The following FRMD4B variants were observed in gnomAD, a reference collection of about 807,000 sequenced individuals.
FRMD4B encodes the protein FERM domain containing 4B.
FRMD4B carries 74 observed loss-of-function variants against 141.5 expected under a neutral mutation model. The ratio of observed to expected loss-of-function variants is 0.52; its 90% CI spans 0.43 to 0.63. The LOEUF (loss-of-function observed/expected upper bound fraction) is 0.63, where lower values mean the gene tolerates loss of function less well. FRMD4B is among the 30% of genes least tolerant of loss of function. The pLI, the probability that FRMD4B is intolerant of heterozygous loss-of-function variation, is 0.00. For missense variants in FRMD4B, 1,366 were observed against 1,253.4 expected, an observed-to-expected ratio of 1.09 and a Z score of -1.36; for synonymous variants, 506 against 467.9, an observed-to-expected ratio of 1.08 and a Z score of -1.05.
At chr3:69,265,194 G>T (rs1365744670) in intron 5 of FRMD4B, among the ~76,000 whole-genome samples, 23 of 134,528 alleles carry the variant, frequency 1.7e-4, no homozygotes, top group Admixed American at 4.8e-4. Context: ...GGTGGAGCTT[G>T]CAGTGAGCCG....
At chr3:69,382,629 G>A (rs1261454209) in intron 1 of FRMD4B, among the ~76,000 whole-genome samples, 1 of 151,832 alleles carries the variant, frequency 6.6e-6, no homozygotes, top group Non-Finnish European at 1.5e-5. Context: ...CTCTCATTGA[G>A]AATGCATAAA....
intron 7 of FRMD4B, among the ~76,000 whole-genome samples, chr3:69,241,944 A>G (rs1487897248): frequency 6.6e-6 from 1 of 152,124 alleles, no homozygotes; most frequent in Non-Finnish European, 1.5e-5. Flanking sequence ...CAGTGGTAAA[A>G]TGCATGTGGT....
At chr3:69,255,246 C>A (rs1416997833) in intron 5 of FRMD4B, among the ~76,000 whole-genome samples, 1 of 152,028 alleles carries the variant, frequency 6.6e-6, no homozygotes, top group East Asian at 1.9e-4. Flanking sequence ...TCAAGTGGGT[C>A]AAAAAATTTA....
chr3:69,426,989 T>G (rs1705090870), intron 2 of FRMD4B, among the ~76,000 whole-genome samples: 1 of 152,166 alleles, frequency 6.6e-6, no homozygotes, highest in African/African-American at 2.4e-5. Context: ...TCTTATTTTT[T>G]TATTTCTTTC....
At chr3:69,324,291 C>A (rs1702109849) in intron 1 of FRMD4B, among the ~76,000 whole-genome samples, 1 of 152,208 alleles carries the variant, frequency 6.6e-6, no homozygotes, top group Non-Finnish European at 1.5e-5. Context: ...GCCTAGCACA[C>A]ATGTAATTAA....
chr3:69,232,505 G>C (rs1214784495), intron 7 of FRMD4B, among the ~76,000 whole-genome samples: 1 of 152,106 alleles, frequency 6.6e-6, no homozygotes, highest in Non-Finnish European at 1.5e-5. Context: ...AATTCCTTTG[G>C]TCATTCTGAA....
intron 1 of FRMD4B, among the ~76,000 whole-genome samples, chr3:69,529,661 G>C (rs562901057): frequency 1.3e-5 from 2 of 152,268 alleles, no homozygotes; most frequent in African/African-American, 4.8e-5. Flanking sequence ...TAAATATTTT[G>C]TCTCACTAGA....
At chr3:69,314,458 G>A (rs999158468) in intron 1 of FRMD4B, among the ~76,000 whole-genome samples, 11 of 151,576 alleles carry the variant, frequency 7.3e-5, no homozygotes, top group African/African-American at 2.4e-4. Flanking sequence ...AACCTGGGCA[G>A]TGGTGTTTGC....
chr3:69,200,382 A>T, intron 11 of FRMD4B: 1 of 980,084 alleles, frequency 1.0e-6, no homozygotes, highest in Non-Finnish European at 1.2e-6. Context: ...CATTTCTTAA[A>T]ATCTCCACAA....
At chr3:69,479,979 T>C (rs1706089354) in intron 1 of FRMD4B, among the ~76,000 whole-genome samples, 1 of 152,232 alleles carries the variant, frequency 6.6e-6, no homozygotes, top group African/African-American at 2.4e-5. Flanking sequence ...ACTGATACCC[T>C]TTCTTCCAGT....
At chr3:69,517,197 A>T (rs1007554307) in intron 1 of FRMD4B, among the ~76,000 whole-genome samples, 3 of 152,178 alleles carry the variant, frequency 2.0e-5, no homozygotes, top group South Asian at 4.1e-4. Context: ...CATTGACACC[A>T]AAGTTTATAC....
intron 2 of FRMD4B, among the ~76,000 whole-genome samples, chr3:69,417,054 T>C (rs1249255684): frequency 6.6e-6 from 1 of 152,200 alleles, no homozygotes; most frequent in Non-Finnish European, 1.5e-5. Context: ...TATAATCCTA[T>C]GGGTATATAC....
chr3:69,532,101 T>C (rs1327337656), intron 1 of FRMD4B, among the ~76,000 whole-genome samples: 2 of 152,204 alleles, frequency 1.3e-5, no homozygotes, highest in Non-Finnish European at 2.9e-5. Context: ...TAAGGGCACA[T>C]GGTTTTCATT....
At chr3:69,275,442 C>CTCT (rs34179126) in intron 5 of FRMD4B, among the ~76,000 whole-genome samples, 23 of 141,798 alleles carry the variant, frequency 1.6e-4, no homozygotes, top group Admixed American at 4.2e-4. Context: ...CTCTCTCTCT[C>CTCT]TTTTTTTTTT....
chr3:69,196,743 G>T (rs2107654134), intron 13 of FRMD4B, 157 bp downstream of exon 13: 1 of 627,400 alleles, frequency 1.6e-6, no homozygotes, highest in Non-Finnish European at 2.7e-6. Flanking sequence ...TGCCCATCAT[G>T]TAAACATATA....
At chr3:69,518,636 C>A (rs926706557) in intron 1 of FRMD4B, among the ~76,000 whole-genome samples, 1 of 152,198 alleles carries the variant, frequency 6.6e-6, no homozygotes, top group Non-Finnish European at 1.5e-5. Context: ...AACCCCTGGG[C>A]CACAGCTGGC....
chr3:69,494,737 C>A (rs1480392984), intron 1 of FRMD4B, among the ~76,000 whole-genome samples: 2 of 152,180 alleles, frequency 1.3e-5, no homozygotes, highest in East Asian at 3.9e-4. Flanking sequence ...ACTAAAAATA[C>A]AAAAGTTAGC....
At chr3:69,335,654 T>C (rs1183995651) in intron 1 of FRMD4B, among the ~76,000 whole-genome samples, 1 of 151,922 alleles carries the variant, frequency 6.6e-6, no homozygotes, top group Non-Finnish European at 1.5e-5. Context: ...TAGACAATTT[T>C]TCCCCCAATA....
At position 69,386,015 on chromosome 3, in the gene FRMD4B, G is replaced by GCGTCC. The variant is rs1176907905; in HGVS notation, c.-31_-27dup. On this transcript the variant is annotated 5_prime_UTR_variant, in exon 1 of 23. Coordinates refer to ENST00000398540, the MANE Select transcript of FRMD4B (RefSeq NM_015123.3). Reference sequence around the variant, plus strand: ...GCCTCCTCCTTCGCTCTGAACCCGGGCGTCCCGGCTCTCGTACGTGCAGCC... The same window carrying GCGTCC: ...GCCTCCTCCTTCGCTCTGAACCCGGGCGTCCCGTCCCGGCTCTCGTACGTGCAGCC... 2.6e-6 allele frequency: 4 copies of GCGTCC among 1,544,254 alleles called. No individual in the cohort carries two copies. The highest frequency in any genetic ancestry group is 3.5e-6 in the Non-Finnish European group (4 of 1,138,488).
Sources: gnomAD v4.1 joint callset for allele counts (sites outside exome capture counted in the v4.1 genomes callset) on GRCh38, gnomAD v4.1.1 for gene constraint, MANE v1.5 for transcripts, NCBI Gene and HGNC (gene_info 2026-07-23, HGNC 2026-07-21) for gene names.